The following PLS1 variants were observed in gnomAD, a reference collection of about 807,000 sequenced individuals.
PLS1 encodes the protein plastin 1.
Under a neutral mutation model 73.7 loss-of-function variants are expected in PLS1, and 32 were observed. That is an observed-to-expected ratio of 0.43 (90% CI 0.33 to 0.58). The LOEUF (loss-of-function observed/expected upper bound fraction) is 0.58, where lower values mean the gene tolerates loss of function less well. Among genes scored for constraint, PLS1 ranks in the 20% least tolerant of loss-of-function variants. PLS1 has a pLI of 0.04. For missense variants in PLS1, 633 were observed against 740.5 expected (o/e 0.85, Z 1.68); for synonymous variants, 217 against 261.3 (o/e 0.83, Z 1.63).
intron 1 of PLS1, among the ~76,000 whole-genome samples, chr3:142,600,147 C>T (rs771231486): frequency 3.3e-5 from 5 of 151,950 alleles, no homozygotes; most frequent in South Asian, 2.1e-4. Context: ...ATTTGGTGGT[C>T]GATGAGAGAA....
intron 4 of PLS1, among the ~76,000 whole-genome samples, chr3:142,674,594 T>C (rs774086954): frequency 2.6e-5 from 4 of 152,170 alleles, no homozygotes; most frequent in Non-Finnish European, 4.4e-5. Context: ...TCCTTCCTAT[T>C]TTCCCCACTG....
At chr3:142,704,665 T>TTTTTTG in intron 14 of PLS1, 79 bp downstream of exon 14, 1 of 552,184 alleles carries the variant, frequency 1.8e-6, no homozygotes, top group Non-Finnish European at 2.8e-6. Context: ...TTTTTTTTTT[T>TTTTTTG]GGAGATGGAG....
chr3:142,706,508 C>CATA (rs1207438731), intron 14 of PLS1, among the ~76,000 whole-genome samples: 1 of 152,024 alleles, frequency 6.6e-6, no homozygotes, highest in Non-Finnish European at 1.5e-5. Context: ...TTGCGCAAGA[C>CATA]ATAAATTGGG....
intron 1 of PLS1, among the ~76,000 whole-genome samples, chr3:142,603,656 C>T (rs2035965767): frequency 6.6e-6 from 1 of 151,896 alleles, no homozygotes; most frequent in African/African-American, 2.4e-5. Flanking sequence ...CCTGTAGTCC[C>T]AGTTACTTAG....
chr3:142,635,239 A>G (rs1231651024), intron 1 of PLS1, among the ~76,000 whole-genome samples: 1 of 152,208 alleles, frequency 6.6e-6, no homozygotes, highest in Non-Finnish European at 1.5e-5. Flanking sequence ...ATTATAAATC[A>G]TATTTGGGTA....
chr3:142,647,503 CTTTTTTTTTTT>C (rs375387869), intron 1 of PLS1, among the ~76,000 whole-genome samples: 1 of 141,938 alleles, frequency 7.0e-6, no homozygotes, highest in Non-Finnish European at 1.5e-5. Context: ...TTTTTCTTTT[CTTTTTTTTTTT>C]TTTCTTGAGA....
At chr3:142,655,658 G>A (rs2037212076) in intron 1 of PLS1, among the ~76,000 whole-genome samples, 1 of 150,084 alleles carries the variant, frequency 6.7e-6, no homozygotes, top group South Asian at 2.1e-4. Context: ...GGAGGTGGAG[G>A]TTGCAGTGAG....
intron 1 of PLS1, among the ~76,000 whole-genome samples, chr3:142,630,938 A>AACACACACACACAC (rs140962182): frequency 0.028 from 3,797 of 137,370 alleles, 83 homozygotes; most frequent in East Asian, 0.051. Context: ...CATGTAAATA[A>AACACACACACACAC]ACACACACAC....
intron 1 of PLS1, among the ~76,000 whole-genome samples, chr3:142,632,482 T>C (rs1480617821): frequency 1.3e-5 from 2 of 151,992 alleles, no homozygotes; most frequent in East Asian, 3.9e-4. Context: ...GAATGTAAAA[T>C]AGTGCAGCCA....
chr3:142,647,015 A>T (rs1250386427), intron 1 of PLS1, among the ~76,000 whole-genome samples: 1 of 152,096 alleles, frequency 6.6e-6, no homozygotes, highest in Non-Finnish European at 1.5e-5. Flanking sequence ...TGCATTTTTG[A>T]CCTATTCGGG....
chr3:142,619,846 A>G (rs2036282900), intron 1 of PLS1, among the ~76,000 whole-genome samples: 1 of 152,230 alleles, frequency 6.6e-6, no homozygotes, highest in Non-Finnish European at 1.5e-5. Flanking sequence ...TTTTCTAAAT[A>G]TGTTAATTCA....
intron 2 of PLS1, 103 bp from the exon 3 acceptor site, chr3:142,669,287 G>A: frequency 1.6e-6 from 1 of 615,008 alleles, no homozygotes; most frequent in Non-Finnish European, 2.7e-6. Flanking sequence ...TGAAACAAAT[G>A]TGAAAGGCTC....
intron 1 of PLS1, among the ~76,000 whole-genome samples, chr3:142,611,380 G>C (rs2036117903): frequency 6.6e-6 from 1 of 152,184 alleles, no homozygotes; most frequent in South Asian, 2.1e-4. Context: ...CCAACACTTT[G>C]AGAGGCCGAG....
intron 1 of PLS1, chr3:142,597,364 C>T (rs1449055094): frequency 6.6e-6 from 1 of 152,094 alleles, no homozygotes; most frequent in South Asian, 2.1e-4. Context: ...TACTTTTACA[C>T]CCCCCACCAC....
chr3:142,627,876 C>T (rs2036464793), intron 1 of PLS1: 2 of 151,960 alleles, frequency 1.3e-5, no homozygotes, highest in Non-Finnish European at 2.9e-5. Context: ...AGCAATCCAC[C>T]TGCCTTGGCC....
chr3:142,700,624 CTTTACT>C, intron 12 of PLS1, among the ~76,000 whole-genome samples: 1 of 152,302 alleles, frequency 6.6e-6, no homozygotes, highest in East Asian at 1.9e-4. Flanking sequence ...GCCCGGCCTT[CTTTACT>C]TTTAAGTATT....
chr3:142,615,022 TG>T (rs1202052373), intron 1 of PLS1, among the ~76,000 whole-genome samples: 1 of 151,960 alleles, frequency 6.6e-6, no homozygotes, highest in Non-Finnish European at 1.5e-5. Flanking sequence ...CTGCAGGATC[TG>T]GGTAGGGTGG....
chr3:142,599,356 G>T (rs1314886765), intron 1 of PLS1, among the ~76,000 whole-genome samples: 2 of 130,432 alleles, frequency 1.5e-5, no homozygotes, highest in East Asian at 4.5e-4. Flanking sequence ...TTGAGATGGA[G>T]TCTCGCTCTG....
rs200819457 is a variant in PLS1, at chr3:142,664,319, A to G, written c.70+12A>G. 8 of 1,424,146 alleles carry G rather than the reference A, an allele frequency of 5.6e-6. No homozygotes were observed. The highest frequency in any genetic ancestry group is 2.3e-5 in the East Asian group (1 of 43,778). The allele number at this position is 1,424,146 out of a possible 1,614,324, so 88.2% of individuals were successfully genotyped here. The stretch of plus-strand genomic sequence containing the variant: ...ATTTAATAAAATAGGTATGCTTGAG[A>G]AAAAGTAAATATGATATTACTGGTC... On this transcript the variant is annotated intron_variant, in intron 2 of 15. Coordinates refer to ENST00000457734, the MANE Select transcript of PLS1 (RefSeq NM_001145319.2).
Sources: allele counts gnomAD v4.1 joint callset (sites outside exome capture counted in the v4.1 genomes callset), GRCh38; gene constraint gnomAD v4.1.1; transcripts MANE v1.5; gene names NCBI Gene and HGNC (gene_info 2026-07-23, HGNC 2026-07-21).